Variants in LRRC49 observed in about 807,000 individuals in gnomAD.
LRRC49 encodes leucine rich repeat containing 49.
In LRRC49, 50 loss-of-function variants were observed where a neutral mutation model predicts 83.3. The observed-to-expected ratio is 0.60, with a 90% confidence interval of 0.48 to 0.76. The LOEUF (loss-of-function observed/expected upper bound fraction) is 0.76, where lower values mean the gene tolerates loss of function less well. Ranked by LOEUF, LRRC49 falls within the 30% of genes least tolerant of loss-of-function variation. LRRC49 has a pLI of 0.00. For synonymous variants in LRRC49, 286 were observed against 283.3 expected, an observed-to-expected ratio of 1.01 and a Z score of -0.10; for missense variants, 704 against 809.1, an observed-to-expected ratio of 0.87 and a Z score of 1.58.
intron 1 of LRRC49, among the ~76,000 whole-genome samples, chr15:70,865,013 T>A (rs932441544): frequency 2.6e-5 from 4 of 152,128 alleles, no homozygotes; most frequent in Non-Finnish European, 5.9e-5. Context: ...AGCACAGTCA[T>A]TTTCTTCCTT....
chr15:70,961,028 A>C (rs1325697828), intron 8 of LRRC49, among the ~76,000 whole-genome samples: 2 of 152,210 alleles, frequency 1.3e-5, no homozygotes, highest in Non-Finnish European at 2.9e-5. Context: ...TGCAAAATAT[A>C]TATCTAATAA....
chr15:70,926,305 C>T (rs989067426), intron 7 of LRRC49, among the ~76,000 whole-genome samples: 1 of 152,004 alleles, frequency 6.6e-6, no homozygotes, highest in African/African-American at 2.4e-5. Flanking sequence ...TTTTGAACTC[C>T]TGGGCTCAAC....
intron 11 of LRRC49, among the ~76,000 whole-genome samples, chr15:70,985,200 G>A (rs1211560457): frequency 7.3e-5 from 11 of 150,428 alleles, no homozygotes; most frequent in Admixed American, 3.3e-4. Flanking sequence ...CTGAGGAATC[G>A]CCACACTGAC....
chr15:70,940,008 C>A (rs892240976), intron 8 of LRRC49, among the ~76,000 whole-genome samples: 19 of 151,928 alleles, frequency 1.3e-4, no homozygotes, highest in African/African-American at 3.6e-4. Flanking sequence ...ACAAGATAAT[C>A]CTCCGGGCTG....
intron 2 of LRRC49, among the ~76,000 whole-genome samples, chr15:70,884,015 G>C (rs1344099846): frequency 6.6e-6 from 1 of 152,066 alleles, no homozygotes; most frequent in Non-Finnish European, 1.5e-5. Context: ...GGAGGGTTTT[G>C]ATATGTAAAA....
intron 7 of LRRC49, among the ~76,000 whole-genome samples, chr15:70,927,041 T>C (rs2141143053): frequency 6.6e-6 from 1 of 152,234 alleles, no homozygotes; most frequent in South Asian, 2.1e-4. Flanking sequence ...AGATACCATC[T>C]CACACCAGTT....
intron 14 of LRRC49, among the ~76,000 whole-genome samples, chr15:71,031,386 A>G (rs1251613035): frequency 1.3e-5 from 2 of 152,176 alleles, no homozygotes; most frequent in East Asian, 1.9e-4. Context: ...CCAGAGGGGC[A>G]TTGGCCTGAT....
chr15:70,859,998 A>T (rs1335982783), intron 1 of LRRC49: 7 of 753,800 alleles, frequency 9.3e-6, no homozygotes, highest in Non-Finnish European at 1.7e-5. Flanking sequence ...ACCTATGGGG[A>T]CCTCACAAGC....
At chr15:70,964,280 C>T (rs1038967301) in intron 9 of LRRC49, among the ~76,000 whole-genome samples, 3 of 152,084 alleles carry the variant, frequency 2.0e-5, no homozygotes, top group Non-Finnish European at 2.9e-5. Flanking sequence ...GCCAGATTGC[C>T]TGCGTCTGAA....
At chr15:70,927,303 A>G (rs565770019) in intron 7 of LRRC49, among the ~76,000 whole-genome samples, 1 of 152,056 alleles carries the variant, frequency 6.6e-6, no homozygotes, top group Admixed American at 6.6e-5. Context: ...TTCATCTTTT[A>G]TGAAGTATCA....
intron 9 of LRRC49, among the ~76,000 whole-genome samples, chr15:70,968,628 A>G (rs2036879924): frequency 6.6e-6 from 1 of 152,166 alleles, no homozygotes; most frequent in Non-Finnish European, 1.5e-5. Flanking sequence ...ATTTGTCCAC[A>G]TTCTCTCCGG....
intron 11 of LRRC49, among the ~76,000 whole-genome samples, chr15:70,991,609 T>G (rs2037882870): frequency 6.6e-6 from 1 of 152,198 alleles, no homozygotes; most frequent in South Asian, 2.1e-4. Flanking sequence ...TTCGGATATT[T>G]TTGATCCATT....
chr15:71,010,574 G>A (rs1049408736), intron 13 of LRRC49, among the ~76,000 whole-genome samples: 2 of 152,028 alleles, frequency 1.3e-5, no homozygotes, highest in Admixed American at 1.3e-4. Context: ...TGTCTGGAAA[G>A]CTTTGTTAAT....
intron 7 of LRRC49, among the ~76,000 whole-genome samples, chr15:70,926,596 C>CA: frequency 6.6e-6 from 1 of 151,890 alleles, no homozygotes; most frequent in Non-Finnish European, 1.5e-5. Flanking sequence ...TATACATGTG[C>CA]CATGTTGGTG....
At chr15:70,939,957 C>T (rs1181970239) in intron 8 of LRRC49, among the ~76,000 whole-genome samples, 4 of 150,696 alleles carry the variant, frequency 2.7e-5, no homozygotes, top group African/African-American at 7.3e-5. Context: ...CTGAAGCACA[C>T]GCTTTGGGGT....
intron 14 of LRRC49, among the ~76,000 whole-genome samples, chr15:71,030,483 G>A (rs553072179): frequency 6.6e-6 from 1 of 152,196 alleles, no homozygotes; most frequent in Admixed American, 6.5e-5. Flanking sequence ...AGAATCTGGG[G>A]ATTATGTGTC....
At chr15:70,992,158 C>T (rs1399649418) in intron 11 of LRRC49, among the ~76,000 whole-genome samples, 5 of 152,152 alleles carry the variant, frequency 3.3e-5, no homozygotes, top group African/African-American at 1.2e-4. Flanking sequence ...TTTTCAGCTC[C>T]ATCAGGTCAT....
chr15:71,027,854 TG>T (rs1256007736), intron 14 of LRRC49, among the ~76,000 whole-genome samples: 1 of 152,190 alleles, frequency 6.6e-6, no homozygotes, highest in Non-Finnish European at 1.5e-5. Context: ...GCTGAGACAA[TG>T]GGGTTTTCTA....
At chr15:70,918,962 C>T in intron 6 of LRRC49, 88 bp from the exon 7 acceptor site, 1 of 1,058,602 alleles carries the variant, frequency 9.4e-7, no homozygotes, top group Non-Finnish European at 1.4e-6. Flanking sequence ...AATCTAGTGA[C>T]TTCGAATATT....
Sources: gnomAD v4.1 joint callset for allele counts (sites outside exome capture counted in the v4.1 genomes callset) on GRCh38, gnomAD v4.1.1 for gene constraint, MANE v1.5 for transcripts, NCBI Gene and HGNC (gene_info 2026-07-23, HGNC 2026-07-21) for gene names.